The following CACNA1A variants were observed in gnomAD, a reference collection of about 807,000 sequenced individuals.
The protein encoded by CACNA1A is voltage-dependent P/Q-type calcium channel subunit alpha-1A.
A neutral mutation model predicts 262.4 loss-of-function variants in CACNA1A; 57 were observed. The ratio of observed to expected loss-of-function variants is 0.22; its 90% CI spans 0.18 to 0.27. The LOEUF is 0.27. CACNA1A is among the 10% of genes least tolerant of loss of function. The pLI, the probability that CACNA1A is intolerant of heterozygous loss-of-function variation, is 1.00. For missense variants in CACNA1A, 2,526 were observed against 3,562.8 expected, an observed-to-expected ratio of 0.71 and a Z score of 7.41; for synonymous variants, 1,431 against 1,419.3, an observed-to-expected ratio of 1.01 and a Z score of -0.18.
At chr19:13,231,160 C>T (rs1026150707) in intron 35 of CACNA1A, among the ~76,000 whole-genome samples, 7 of 150,158 alleles carry the variant, frequency 4.7e-5, no homozygotes, top group South Asian at 2.1e-4. Flanking sequence ...CACAGCACCA[C>T]GTGTGCAGCT....
rs142157455 is a variant in CACNA1A, at chr19:13,470,989, G to T, written c.294-15777C>A. 2.2e-3 allele frequency among the ~76,000 whole-genome samples: 335 copies of T among 152,244 alleles called. 2 individuals are homozygous for T. Among genetic ancestry groups the T allele is most frequent in the African/African-American group, 7.5e-3 (313 of 41,540 alleles). On this transcript the variant is annotated intron_variant, in intron 1 of 46. Coordinates refer to ENST00000360228, the MANE Select transcript of CACNA1A (RefSeq NM_001127222.2). ...TCCTGGAGGCAAGGTTCTGAAATTA[G>T]GGGGTTTCCCTTCAAAGGCTCTAGG... is the stretch of plus-strand genomic sequence containing the variant.
chr19:13,274,176 AAG>A (rs1378285671), intron 24 of CACNA1A: 1 of 152,110 alleles, frequency 6.6e-6, no homozygotes, highest in Admixed American at 6.6e-5. Context: ...GTGAAAGAGA[AAG>A]AGAAAGAAGT....
intron 1 of CACNA1A, among the ~76,000 whole-genome samples, chr19:13,470,713 C>T (rs1272897186): frequency 5.3e-5 from 8 of 152,214 alleles, no homozygotes; most frequent in Non-Finnish European, 1.0e-4. Context: ...CTGCCCTCCA[C>T]CACATCTTCT....
rs576141199 is a variant in CACNA1A at position 13,235,039 on chromosome 19, G to A, written c.5134-3C>T. The A allele has an allele frequency of 1.0e-5, 16 of 1,607,744 alleles. No individual in the cohort carries two copies. The highest frequency in any genetic ancestry group is 1.3e-5 in the African/African-American group (1 of 74,910). On this transcript the variant is annotated splice_region_variant and splice_polypyrimidine_tract_variant and intron_variant, in intron 33 of 46. Transcript: ENST00000360228. ...TCGATGCCAATGTTACCAAACACCTGTGGAATTGGAGGGTGACGACCAGGG... is the reference window on the plus strand; with the variant it reads ...TCGATGCCAATGTTACCAAACACCTATGGAATTGGAGGGTGACGACCAGGG...
intron 19 of CACNA1A, among the ~76,000 whole-genome samples, chr19:13,291,593 GT>G (rs1325231630): frequency 3.5e-5 from 5 of 141,056 alleles, no homozygotes; most frequent in African/African-American, 1.3e-4. Context: ...GAGCCCAGGA[GT>G]TTGAGATCAG....
chr19:13,237,040 C>T (rs923085421), intron 31 of CACNA1A, among the ~76,000 whole-genome samples: 4 of 152,118 alleles, frequency 2.6e-5, no homozygotes, highest in African/African-American at 9.7e-5. Flanking sequence ...AGAGATTTTG[C>T]CCACCAATCT....
intron 3 of CACNA1A, among the ~76,000 whole-genome samples, chr19:13,438,606 G>C (rs1052207232): frequency 6.6e-6 from 1 of 152,170 alleles, no homozygotes; most frequent in African/African-American, 2.4e-5. Flanking sequence ...GAGCCACCCA[G>C]CTGACCCGCA....
chr19:13,461,273 G>T (rs1006129863), intron 1 of CACNA1A, among the ~76,000 whole-genome samples: 2 of 152,196 alleles, frequency 1.3e-5, no homozygotes, highest in Non-Finnish European at 2.9e-5. Context: ...CCGGGAAGCA[G>T]AGTTTGCAGT....
intron 6 of CACNA1A, among the ~76,000 whole-genome samples, chr19:13,348,612 C>T (rs770735417): frequency 5.9e-5 from 9 of 152,098 alleles, no homozygotes; most frequent in Admixed American, 2.6e-4. Flanking sequence ...CCAAGGCGGG[C>T]GAATCATGAG....
At chr19:13,440,103 G>A (rs561666573) in intron 3 of CACNA1A, among the ~76,000 whole-genome samples, 1 of 152,252 alleles carries the variant, frequency 6.6e-6, no homozygotes, top group South Asian at 2.1e-4. Context: ...GGGACTACAA[G>A]CCTGTGCTAC....
At chr19:13,401,710 A>C (rs2059903167) in intron 3 of CACNA1A, among the ~76,000 whole-genome samples, 2 of 152,122 alleles carry the variant, frequency 1.3e-5, no homozygotes, top group African/African-American at 4.8e-5. Flanking sequence ...CTCTTAGAAC[A>C]ACCTTGGAAG....
chr19:13,313,441 A>T (rs1311933205), intron 11 of CACNA1A, among the ~76,000 whole-genome samples: 1 of 144,160 alleles, frequency 6.9e-6, no homozygotes, highest in Non-Finnish European at 1.5e-5. Flanking sequence ...TGGAGGTTGC[A>T]GTGAGCCAAG....
intron 5 of CACNA1A, 21 bp downstream of exon 5, chr19:13,365,296 C>A: frequency 6.3e-7 from 1 of 1,593,552 alleles, no homozygotes; most frequent in Non-Finnish European, 8.6e-7. Flanking sequence ...TGGAAAGATG[C>A]ATCATGCTCC....
intron 3 of CACNA1A, among the ~76,000 whole-genome samples, chr19:13,401,862 A>G (rs969447797): frequency 6.6e-6 from 1 of 152,166 alleles, no homozygotes; most frequent in Non-Finnish European, 1.5e-5. Flanking sequence ...TTTTTAGTAG[A>G]GATGGTGTCT....
At chr19:13,355,807 T>C (rs941646527) in intron 6 of CACNA1A, among the ~76,000 whole-genome samples, 2 of 152,168 alleles carry the variant, frequency 1.3e-5, no homozygotes, top group South Asian at 4.1e-4. Context: ...TCATTCTCTA[T>C]GGTGGGGCAG....
chr19:13,211,476 C>G (rs1427404905), intron 43 of CACNA1A: 2 of 153,376 alleles, frequency 1.3e-5, no homozygotes, highest in African/African-American at 4.8e-5. Flanking sequence ...CCTGTGCCCC[C>G]CAATGACTCC....
chr19:13,452,679 T>C (rs2060937164), intron 3 of CACNA1A, 197 bp downstream of exon 3: 6 of 508,580 alleles, frequency 1.2e-5, no homozygotes, highest in Non-Finnish European at 2.1e-5. Flanking sequence ...ATTATTTTAA[T>C]TGTAACAGAA....
At chr19:13,231,919 T>A in intron 34 of CACNA1A, 59 bp from the exon 35 acceptor site, 1 of 1,552,646 alleles carries the variant, frequency 6.4e-7, no homozygotes, top group Non-Finnish European at 8.8e-7. Flanking sequence ...TACCAACGCC[T>A]CCCCAGGAGG....
At chr19:13,311,793 C>T (rs953368120) in intron 12 of CACNA1A, among the ~76,000 whole-genome samples, 4 of 151,884 alleles carry the variant, frequency 2.6e-5, no homozygotes, top group African/African-American at 4.8e-5. Flanking sequence ...GCCGAGATGG[C>T]GCCACCGCAC....
Sources: allele counts gnomAD v4.1 joint callset (sites outside exome capture counted in the v4.1 genomes callset), GRCh38; gene constraint gnomAD v4.1.1; transcripts MANE v1.5; gene names NCBI Gene and HGNC (gene_info 2026-07-23, HGNC 2026-07-21).